Variants in MIER1 observed in about 807,000 individuals in gnomAD.
MIER1 encodes MIER1 transcriptional regulator.
A neutral mutation model predicts 75.7 loss-of-function variants in MIER1; 40 were observed. The observed-to-expected ratio is 0.53, with a 90% CI of 0.41 to 0.69. MIER1 has a LOEUF of 0.69. Among genes scored for constraint, MIER1 ranks in the 30% least tolerant of loss-of-function variants. The pLI, the probability that MIER1 is intolerant of heterozygous loss-of-function variation, is 0.00. For synonymous variants in MIER1, 213 were observed against 223.4 expected, an observed-to-expected ratio of 0.95 and a Z score of 0.42; for missense variants, 574 against 680.2, an observed-to-expected ratio of 0.84 and a Z score of 1.74.
intron 6 of MIER1, 108 bp downstream of exon 6, chr1:66,959,091 T>A (rs1195540702): frequency 1.1e-6 from 1 of 905,026 alleles, no homozygotes; most frequent in Non-Finnish European, 1.7e-6. Flanking sequence ...TCTGAAATTC[T>A]TTTCAACAGT....
chr1:66,974,400 G>T (rs1457707942), intron 11 of MIER1, among the ~76,000 whole-genome samples: 1 of 151,868 alleles, frequency 6.6e-6, no homozygotes, highest in South Asian at 2.1e-4. Context: ...TTTCATGGTT[G>T]AAAGGGACAA....
chr1:66,940,273 T>A, intron 3 of MIER1: 8 of 191,712 alleles, frequency 4.2e-5, no homozygotes, highest in East Asian at 2.3e-4. Context: ...GGGTTTTCTT[T>A]TTTTTTTTTT....
chr1:66,927,951 T>C (rs1652222480), intron 2 of MIER1, among the ~76,000 whole-genome samples: 1 of 152,082 alleles, frequency 6.6e-6, no homozygotes, highest in South Asian at 2.1e-4. Flanking sequence ...AGAAAGACTT[T>C]TCATTCCGTA....
At position 66,950,638 on chromosome 1, in the gene MIER1, C is replaced by T. The variant is rs145124860; in HGVS notation, c.339+4343C>T. ...TTTTAAAGTGCTAGATGTGTTCCAT[C>T]CAGAGCTAGAGAATAATTAAAATGT... On this transcript the variant is annotated intron_variant, in intron 4 of 13. Coordinates refer to ENST00000401041, the MANE Select transcript of MIER1 (RefSeq NM_001077700.3). Among the ~76,000 whole-genome samples, 116 of 151,716 alleles carry T rather than the reference C, an allele frequency of 7.6e-4. 2 individuals carry two copies. In the East Asian group the frequency reaches 0.021, roughly 27 times the overall value.
chr1:66,938,634 T>G (rs1016709168), intron 2 of MIER1, among the ~76,000 whole-genome samples: 1 of 152,204 alleles, frequency 6.6e-6, no homozygotes, highest in Non-Finnish European at 1.5e-5. Context: ...GTTGCATTAC[T>G]CTTGTCATGT....
chr1:66,987,947 A>C lies in MIER1; in HGVS notation c.*3047A>C, dbSNP rs17445002. ...TGTTTCTCTTCTGCTGGATTATATAATTTAAAAATAATGTGTTCCCGTATT... is the reference window on the plus strand; with the variant it reads ...TGTTTCTCTTCTGCTGGATTATATACTTTAAAAATAATGTGTTCCCGTATT... On this transcript the variant is annotated 3_prime_UTR_variant, in exon 14 of 14. Coordinates refer to ENST00000401041, the MANE Select transcript of MIER1 (RefSeq NM_001077700.3). 4,663 of 152,354 alleles carry C rather than the reference A, an allele frequency of 0.031. 118 individuals are homozygous for C. Among genetic ancestry groups the C allele is most frequent in the Middle Eastern group, 0.13 (38 of 294 alleles). 9.4% of individuals were successfully genotyped at this position (152,354 alleles called of 1,614,324 possible). A position where few individuals can be genotyped will look rare whatever the true frequency, so the allele number is the denominator to read the frequency against.
intron 4 of MIER1, chr1:66,947,416 C>G (rs1235398465): frequency 6.6e-6 from 1 of 152,102 alleles, no homozygotes; most frequent in African/African-American, 2.4e-5. Context: ...CCTGTCCTAT[C>G]AGTAAAAAGT....
At chr1:66,935,016 G>T (rs1402705866) in intron 2 of MIER1, among the ~76,000 whole-genome samples, 1 of 152,046 alleles carries the variant, frequency 6.6e-6, no homozygotes, top group South Asian at 2.1e-4. Flanking sequence ...TGTTTTGAGG[G>T]GAAAAATTTG....
intron 4 of MIER1, chr1:66,947,998 GTTTTATT>G: frequency 1.0e-6 from 1 of 984,462 alleles, no homozygotes; most frequent in Non-Finnish European, 1.2e-6. Flanking sequence ...TTAGTTTTTT[GTTTTATT>G]TTTATTTTTT....
Position 66,986,421 on chromosome 1 carries a change from T to C in MIER1, c.*1521T>C. 1 of 1,613,364 alleles carries C rather than the reference T, an allele frequency of 6.2e-7. No individual in the cohort carries two copies. Among genetic ancestry groups the C allele is most frequent in the East Asian group, 2.2e-5 (1 of 44,828 alleles). On this transcript the variant is annotated 3_prime_UTR_variant, in exon 14 of 14. Coordinates refer to ENST00000401041, the MANE Select transcript of MIER1 (RefSeq NM_001077700.3). ...CACACAGGCATACTCCAAATGCTTC[T>C]TCCAGTTCATTTTTCAGCCATCAGT...
At chr1:66,954,379 A>G (rs1189886548) in intron 4 of MIER1, among the ~76,000 whole-genome samples, 1 of 152,218 alleles carries the variant, frequency 6.6e-6, no homozygotes, top group African/African-American at 2.4e-5. Flanking sequence ...TAAAAATAGT[A>G]ATCCTGACTT....
chr1:66,974,385 C>T (rs57852719), intron 11 of MIER1, among the ~76,000 whole-genome samples: 4,216 of 151,128 alleles, frequency 0.028, 183 homozygotes, highest in African/African-American at 0.096. Flanking sequence ...GAAAAAAGTT[C>T]GTTGTTTCAT....
rs1666954581 is a variant in MIER1, at chr1:66,987,720, T to C, written c.*2820T>C. 6.6e-6 allele frequency: 1 copy of C among 152,456 alleles called. No individual in the cohort carries two copies. The highest frequency in any genetic ancestry group is 2.1e-4 in the South Asian group (1 of 4,828). The allele number at this position is 152,456 out of a possible 1,614,324, so 9.4% of individuals were successfully genotyped here. A position where few individuals can be genotyped will look rare whatever the true frequency, so the allele number is the denominator to read the frequency against. On this transcript the variant is annotated 3_prime_UTR_variant, in exon 14 of 14. Transcript: ENST00000401041. Reference sequence around the variant, plus strand: ...TTCATTAGATTAATTCACTAAGATTTTATTAGAGATTGTTTGAATGATGCA... The same window carrying C: ...TTCATTAGATTAATTCACTAAGATTCTATTAGAGATTGTTTGAATGATGCA...
Position 66,976,567 on chromosome 1 carries a change from CT to C in MIER1, c.1102-26del, listed in dbSNP as rs150660180. The C allele has an allele frequency of 5.8e-3, 8,840 of 1,533,464 alleles. 433 individuals are homozygous for C. In the African/African-American group the frequency reaches 0.11, roughly 19 times the overall value. The allele number at this position is 1,533,464 out of a possible 1,614,324, so 95.0% of individuals were successfully genotyped here. A position where few individuals can be genotyped will look rare whatever the true frequency, so the allele number is the denominator to read the frequency against. On this transcript the variant is annotated intron_variant, in intron 11 of 13. Coordinates refer to ENST00000401041, the MANE Select transcript of MIER1 (RefSeq NM_001077700.3). ...AAGTAACTTTGTTAAAAAGGAGATT[CT>C]TAAAAGCAAGCATTTGTTTCTTACA... is the stretch of plus-strand genomic sequence containing the variant.
At chr1:66,966,039 C>T (rs1662315501) in intron 8 of MIER1, among the ~76,000 whole-genome samples, 1 of 151,802 alleles carries the variant, frequency 6.6e-6, no homozygotes, top group African/African-American at 2.4e-5. Context: ...ATAAGTACCA[C>T]ATTTTTTTTT....
At chr1:66,972,834 ATTTTG>A in intron 10 of MIER1, 58 bp from the exon 11 acceptor site, 2 of 830,540 alleles carry the variant, frequency 2.4e-6, no homozygotes, top group East Asian at 5.1e-5. Context: ...TTCATTTGTA[ATTTTG>A]TTATATGCAA....
chr1:66,988,255 ACT>A lies in MIER1; in HGVS notation c.*3360_*3361del, dbSNP rs1344343579. On this transcript the variant is annotated 3_prime_UTR_variant, in exon 14 of 14. Coordinates refer to ENST00000401041, the MANE Select transcript of MIER1 (RefSeq NM_001077700.3). Reference sequence around the variant, plus strand: ...ATTTTAACCTTTTATTCTAAAAATGACTCTCTTCTCTCAAAATGACTTTTTCT... The same window carrying A: ...ATTTTAACCTTTTATTCTAAAAATGACTCTTCTCTCAAAATGACTTTTTCT... 7 of 152,378 alleles carry A rather than the reference ACT, an allele frequency of 4.6e-5. No individual in the cohort carries two copies. The highest frequency in any genetic ancestry group is 1.9e-4 in the East Asian group (1 of 5,318). 9.4% of individuals were successfully genotyped at this position (152,378 alleles called of 1,614,324 possible). A position where few individuals can be genotyped will look rare whatever the true frequency, so the allele number is the denominator to read the frequency against.
In MIER1 at chr1:66,925,183, C is replaced by T. The variant is rs1005722856; in HGVS notation, c.67+88C>T. ...GAGGTGTCCTCAGTCCCCTTTCTCT[C>T]CTTCCCCTCCCCCACGGCAGTGTAC... On this transcript the variant is annotated intron_variant, in intron 1 of 13. Coordinates refer to ENST00000401041, the MANE Select transcript of MIER1 (RefSeq NM_001077700.3). 7.5e-6 allele frequency: 11 copies of T among 1,469,174 alleles called. No individual in the cohort carries two copies. In the African/African-American group the frequency reaches 8.8e-5, roughly 12 times the overall value. The allele number at this position is 1,469,174 out of a possible 1,614,324, so 91.0% of individuals were successfully genotyped here.
At chr1:66,947,103 T>TC (rs1657837296) in intron 4 of MIER1, 1 of 575,880 alleles carries the variant, frequency 1.7e-6, no homozygotes. Context: ...TTTGGACCTC[T>TC]CCCCCGGCAT....
Sources: allele counts gnomAD v4.1 joint callset (sites outside exome capture counted in the v4.1 genomes callset), GRCh38; gene constraint gnomAD v4.1.1; transcripts MANE v1.5; gene names NCBI Gene and HGNC (gene_info 2026-07-23, HGNC 2026-07-21).